CLPSL1: variants seen among roughly 807,000 people sequenced by gnomAD.
CLPSL1 encodes the protein colipase-like protein 1.
A neutral mutation model predicts 9.3 loss-of-function variants in CLPSL1; 13 were observed. The observed-to-expected ratio is 1.40, with a 90% CI of 0.91 to 2.22. The LOEUF (loss-of-function observed/expected upper bound fraction) is 2.22, where lower values mean the gene tolerates loss of function less well. Among genes scored for constraint, CLPSL1 ranks in the 30% most tolerant of loss-of-function variants. CLPSL1 has a pLI of 0.00. For synonymous variants in CLPSL1, 58 were observed against 56.9 expected, an observed-to-expected ratio of 1.02 and a Z score of -0.08; for missense variants, 164 against 146.6, an observed-to-expected ratio of 1.12 and a Z score of -0.61.
At chr6:35,782,573 G>A (rs1767986202) in intron 1 of CLPSL1, among the ~76,000 whole-genome samples, 1 of 152,252 alleles carries the variant, frequency 6.6e-6, no homozygotes, top group Admixed American at 6.5e-5. Context: ...TCAGCCTGAG[G>A]CAGGAGGGGG....
In CLPSL1 at chr6:35,785,599, T is replaced by C. The variant is rs530374042; in HGVS notation, c.100-1399T>C. On this transcript the variant is annotated intron_variant, in intron 1 of 2. Transcript: ENST00000373861. Reference sequence around the variant, plus strand: ...GCTTCTCTCTGGCCCCTGCTTTCAATGGACACTTTAATGTTAACAGCTGTG... The same window carrying C: ...GCTTCTCTCTGGCCCCTGCTTTCAACGGACACTTTAATGTTAACAGCTGTG... 6.6e-5 allele frequency among the ~76,000 whole-genome samples: 10 copies of C among 152,264 alleles called. No individual in the cohort carries two copies. In the South Asian group the frequency reaches 2.1e-3, roughly 32 times the overall value.
At chr6:35,787,483 T>C (rs1473456369) in intron 2 of CLPSL1, among the ~76,000 whole-genome samples, 1 of 152,262 alleles carries the variant, frequency 6.6e-6, no homozygotes, top group Admixed American at 6.5e-5. Flanking sequence ...GGAGTTCTGC[T>C]GTGGCCCCGG....
chr6:35,788,088 C>T lies in CLPSL1; in HGVS notation c.*78C>T, dbSNP rs1162382031. The T allele has an allele frequency of 1.7e-6, 2 of 1,206,176 alleles. No homozygotes were observed. The highest frequency in any genetic ancestry group is 4.8e-5 in the East Asian group (2 of 41,686). The allele number at this position is 1,206,176 out of a possible 1,614,324, so 74.7% of individuals were successfully genotyped here. A position where few individuals can be genotyped will look rare whatever the true frequency, so the allele number is the denominator to read the frequency against. On this transcript the variant is annotated 3_prime_UTR_variant, in exon 3 of 3. Coordinates refer to ENST00000373861, the MANE Select transcript of CLPSL1 (RefSeq NM_001010886.5). ...CAGAGCTCTGTGTTCACCCTGTTCCCCAGAGCCTCCACCATGAGTGGAGGG... is the reference window on the plus strand; with the variant it reads ...CAGAGCTCTGTGTTCACCCTGTTCCTCAGAGCCTCCACCATGAGTGGAGGG...
downstream of CLPSL1, among the ~76,000 whole-genome samples, chr6:35,791,107 A>G (rs1768176929): frequency 1.3e-5 from 2 of 152,224 alleles, no homozygotes; most frequent in African/African-American, 2.4e-5. Context: ...TCTGCTCAGA[A>G]TAATTTTTAT....
At chr6:35,785,841 A>T (rs965846165) in intron 1 of CLPSL1, among the ~76,000 whole-genome samples, 18 of 151,176 alleles carry the variant, frequency 1.2e-4, no homozygotes, top group Non-Finnish European at 2.2e-4. Flanking sequence ...TCCCAGCTAC[A>T]CGGGAGGCTG....
At chr6:35,794,004 C>T (rs6921084), downstream of CLPSL1, among the ~76,000 whole-genome samples, 43,221 of 150,254 alleles carry the variant, frequency 0.29, 4,466 homozygotes, top group Non-Finnish European at 0.32. Flanking sequence ...TTTCTTAATG[C>T]GAATAATTGG....
downstream of CLPSL1, among the ~76,000 whole-genome samples, chr6:35,792,718 C>T (rs1310147768): frequency 5.2e-5 from 8 of 152,394 alleles, no homozygotes; most frequent in African/African-American, 1.9e-4. Flanking sequence ...GGACATTTTC[C>T]TTATGCCCCC....
downstream of CLPSL1, among the ~76,000 whole-genome samples, chr6:35,791,000 G>A (rs186030376): frequency 4.0e-5 from 6 of 149,620 alleles, no homozygotes; most frequent in East Asian, 2.0e-4. Context: ...AGCCATGGTC[G>A]CACCACTGCA....
At chr6:35,791,755 A>G (rs1768214960), downstream of CLPSL1, among the ~76,000 whole-genome samples, 1 of 152,012 alleles carries the variant, frequency 6.6e-6, no homozygotes, top group East Asian at 1.9e-4. Context: ...TCATGGTGAA[A>G]CCCCATCTCC....
chr6:35,790,731 A>G (rs1026084395), downstream of CLPSL1, among the ~76,000 whole-genome samples: 7 of 152,268 alleles, frequency 4.6e-5, no homozygotes, highest in Non-Finnish European at 1.0e-4. Context: ...CAATAAGTCA[A>G]TTTTCCCTGG....
At chr6:35,787,350 T>TTTCACTTTCTAATGTGGG (rs1768103498) in intron 2 of CLPSL1, among the ~76,000 whole-genome samples, 3 of 152,264 alleles carry the variant, frequency 2.0e-5, no homozygotes, top group African/African-American at 7.2e-5. Flanking sequence ...GAAGGCGATG[T>TTTCACTTTCTAATGTGGG]TTCACTTTCT....
chr6:35,787,271 T>C, intron 2 of CLPSL1, 151 bp downstream of exon 2: 1 of 1,002,768 alleles, frequency 1.0e-6, no homozygotes, highest in Non-Finnish European at 1.5e-6. Context: ...CCAAGCCTTC[T>C]GGGGGAGCCT....
chr6:35,790,143 C>T (rs1264437438), downstream of CLPSL1, among the ~76,000 whole-genome samples: 1 of 152,052 alleles, frequency 6.6e-6, no homozygotes, highest in African/African-American at 2.4e-5. Context: ...ACCATGTTGC[C>T]CAGGCTGGTC....
intron 1 of CLPSL1, among the ~76,000 whole-genome samples, chr6:35,786,611 G>C (rs750813167): frequency 2.0e-5 from 3 of 152,030 alleles, no homozygotes; most frequent in Non-Finnish European, 4.4e-5. Context: ...ATGTGTGTAG[G>C]GGGAGGGGCG....
chr6:35,787,225 C>T (rs968266737), intron 2 of CLPSL1, 105 bp downstream of exon 2: 9 of 1,348,062 alleles, frequency 6.7e-6, no homozygotes, highest in African/African-American at 2.8e-5. Context: ...GGCGGAAATG[C>T]CCTGGAGCCT....
chr6:35,792,497 C>T (rs1768240102), downstream of CLPSL1, among the ~76,000 whole-genome samples: 1 of 152,252 alleles, frequency 6.6e-6, no homozygotes, highest in Non-Finnish European at 1.5e-5. Flanking sequence ...TCAGTCAAAC[C>T]ATTGTAAGTG....
At chr6:35,781,325 C>A in intron 1 of CLPSL1, 116 bp downstream of exon 1, 1 of 1,420,490 alleles carries the variant, frequency 7.0e-7, no homozygotes, top group Non-Finnish European at 9.3e-7. Flanking sequence ...GTGGGGGCAG[C>A]AGGGAGTGTT....
downstream of CLPSL1, among the ~76,000 whole-genome samples, chr6:35,792,409 T>A (rs1174430344): frequency 3.9e-5 from 6 of 152,286 alleles, no homozygotes; most frequent in Non-Finnish European, 7.3e-5. Context: ...GAATAAAGTG[T>A]CGAATATATC....
At chr6:35,793,401 G>A in intron 1 of CLPSL1, 1 of 449,622 alleles carries the variant, frequency 2.2e-6, no homozygotes, top group Non-Finnish European at 4.5e-6. Context: ...CTCTGGCTTG[G>A]GCAACAAGAG....
Sources: gnomAD v4.1 joint callset for allele counts (sites outside exome capture counted in the v4.1 genomes callset) on GRCh38, gnomAD v4.1.1 for gene constraint, MANE v1.5 for transcripts, NCBI Gene and HGNC (gene_info 2026-07-23, HGNC 2026-07-21) for gene names.